The following MACF1 variants were observed in gnomAD, a reference collection of about 807,000 sequenced individuals.
MACF1 encodes the protein microtubule-actin cross-linking factor 1.
In MACF1, 193 loss-of-function variants were observed where a neutral mutation model predicts 854.8. That is an observed-to-expected ratio of 0.23 (90% CI 0.20 to 0.25). The LOEUF (loss-of-function observed/expected upper bound fraction) is 0.25. MACF1 is among the 10% of genes least tolerant of loss of function. The pLI, the probability that MACF1 is intolerant of heterozygous loss-of-function variation, is 1.00. For missense variants in MACF1, 7,722 were observed against 8,929.1 expected, an observed-to-expected ratio of 0.86 and a Z score of 5.45; for synonymous variants, 3,185 against 3,226.7, an observed-to-expected ratio of 0.99 and a Z score of 0.44.
rs563960368 is a variant in MACF1, at chr1:39,387,663, A to G, written c.14821A>G (p.Ser4941Gly). The change falls in exon 58 of 101, where the codon AGT (serine) becomes GGT (glycine). Residue 4941 changes from serine to glycine, a missense_variant. Physicochemically the swap from Ser to Gly is moderately conservative, Grantham distance 56 (BLOSUM62 0). This residue lies in a region of MACF1 where 2,807 missense variants were observed against 3,235.8 expected (regional missense o/e 0.87). Coordinates refer to ENST00000564288, the MANE Select transcript of MACF1 (RefSeq NM_001394062.1). ...VTLDPVQLESSLLRSKAMLNE... is the reference protein window; with the variant it reads ...VTLDPVQLESGLLRSKAMLNE... ...TCTGGATCCAGTGCAGCTAGAGTCC[A>G]GTCTCCTAAGATCAAAGGCTATGCT... 6 of 1,614,212 alleles carry G rather than the reference A, an allele frequency of 3.7e-6. No homozygotes were observed. The African/African-American group carries it at 5.3e-5, about 14-fold the overall frequency.
intron 2 of MACF1, among the ~76,000 whole-genome samples, chr1:39,128,698 CAA>C (rs76492560): frequency 1.5e-5 from 2 of 136,574 alleles, no homozygotes; most frequent in Admixed American, 7.4e-5. Context: ...GACTCCGTCT[CAA>C]AAAAAAAAAA....
At chr1:39,169,614 A>G (rs928534300) in intron 2 of MACF1, among the ~76,000 whole-genome samples, 11 of 151,700 alleles carry the variant, frequency 7.3e-5, no homozygotes, top group Non-Finnish European at 1.0e-4. Flanking sequence ...CAAAAAAAAA[A>G]AAAAAAAGAC....
intron 2 of MACF1, among the ~76,000 whole-genome samples, chr1:39,107,770 A>G (rs1452710631): frequency 6.6e-6 from 1 of 152,202 alleles, no homozygotes; most frequent in Admixed American, 6.5e-5. Flanking sequence ...ATAGATATTG[A>G]TGATGGTGGG....
intron 2 of MACF1, among the ~76,000 whole-genome samples, chr1:39,245,186 T>C (rs556336412): frequency 9.8e-5 from 15 of 152,360 alleles, no homozygotes; most frequent in Non-Finnish European, 8.8e-5. Context: ...TGAAATTAAC[T>C]TTACATTTCA....
At position 39,469,543 on chromosome 1, in the gene MACF1, C is replaced by G. The variant is rs957866642; in HGVS notation, c.21890-4C>G. The G allele has an allele frequency of 6.5e-6, 10 of 1,547,200 alleles. No homozygotes were observed. In the African/African-American group the frequency reaches 1.4e-4, roughly 21 times the overall value. On this transcript the variant is annotated splice_region_variant and splice_polypyrimidine_tract_variant and intron_variant, in intron 96 of 100. Coordinates refer to ENST00000564288, the MANE Select transcript of MACF1 (RefSeq NM_001394062.1). ...TCTTTCTGTTTACGTATTTTTTATT[C>G]TAGTTCACCATCCTGGGAGTAAAAT...
In MACF1 at chr1:39,447,332, A is replaced by G. The variant is rs1644250925; in HGVS notation, c.19606-100A>G. On this transcript the variant is annotated intron_variant, in intron 80 of 100. Transcript: ENST00000564288. ...AAATGAGGCTTCCTTTTTAGAGGTCATTTCATTTGTTGTACAATTCATGCC... is the reference window on the plus strand; with the variant it reads ...AAATGAGGCTTCCTTTTTAGAGGTCGTTTCATTTGTTGTACAATTCATGCC... 5.3e-6 allele frequency: 6 copies of G among 1,121,822 alleles called. No individual in the cohort carries two copies. In the African/African-American group the frequency reaches 9.4e-5, roughly 18 times the overall value. The allele number at this position is 1,121,822 out of a possible 1,614,324, so 69.5% of individuals were successfully genotyped here.
In MACF1 at chr1:39,422,866, A is replaced by G. The variant is rs2148637772; in HGVS notation, c.16115A>G (p.Tyr5372Cys). 6.2e-7 allele frequency: 1 copy of G among 1,614,216 alleles called. No individual in the cohort carries two copies. Among genetic ancestry groups the G allele is most frequent in the Non-Finnish European group, 8.5e-7 (1 of 1,180,030 alleles). The change falls in exon 60 of 101, where the codon TAT (tyrosine) becomes TGT (cysteine). Residue 5372 changes from tyrosine (Y) to cysteine (C), a missense_variant. Around this residue, in one of 15 missense-constraint regions of MACF1, gnomAD observed 2,807 missense variants for 3,235.8 expected, o/e 0.87. Coordinates refer to ENST00000564288, the MANE Select transcript of MACF1 (RefSeq NM_001394062.1). ...AATCAGAAACCTCCATCTGCTGAGT[A>G]TAAAGTGGTGAAAGCACAGATCCAA... ...IANQKPPSAE[Y>C]KVVKAQIQEQ...
At position 39,327,954 on chromosome 1, in the gene MACF1, C is replaced by T. The variant is rs536593681; in HGVS notation, c.4614+601C>T. Among the ~76,000 whole-genome samples the T allele has an allele frequency of 7.4e-4, 113 of 152,174 alleles. 5 individuals are homozygous for T. In the South Asian group the frequency reaches 0.021, roughly 29 times the overall value. On this transcript the variant is annotated intron_variant, in intron 36 of 100. Coordinates refer to ENST00000564288, the MANE Select transcript of MACF1 (RefSeq NM_001394062.1). ...CCTAAGTTCTTCCTGGATACTTGTG[C>T]GTGTGTGTACACTTACCATATTATA... is the stretch of plus-strand genomic sequence containing the variant.
chr1:39,421,891 G>A (rs557251769), intron 58 of MACF1, among the ~76,000 whole-genome samples: 12 of 152,138 alleles, frequency 7.9e-5, no homozygotes, highest in African/African-American at 2.9e-4. Flanking sequence ...TGGCTAACAC[G>A]GTGAAACCCT....
At position 39,331,219 on chromosome 1, in the gene MACF1, C is replaced by A; in HGVS notation, c.4631C>A (p.Ala1544Asp). ...TTTTTTTAGGAATGCAGAGCAGTTG[C>A]TGGGGTGATTGACCTAGGCACAGTG... Reference protein sequence around the residue: ...QTEQKECRAVAGVIDLGTVEI... With the variant: ...QTEQKECRAVDGVIDLGTVEI... Residue 1544 changes from alanine (A) to aspartate (D), a missense_variant, in exon 37 of 101, where the codon GCT becomes GAT. Physicochemically the swap from Ala to Asp is moderately radical, Grantham distance 126. Coordinates refer to ENST00000564288, the MANE Select transcript of MACF1 (RefSeq NM_001394062.1). 8.2e-7 allele frequency: 1 copy of A among 1,222,624 alleles called. No individual in the cohort carries two copies. Among genetic ancestry groups the A allele is most frequent in the Admixed American group, 2.2e-5 (1 of 46,168 alleles). 75.7% of individuals were successfully genotyped at this position (1,222,624 alleles called of 1,614,324 possible).
rs767627050 is a variant in MACF1 at position 39,331,514 on chromosome 1, A to T, written c.4926A>T (p.Ile1642=). 3 of 1,614,024 alleles carry T rather than the reference A, an allele frequency of 1.9e-6. No homozygotes were observed. The African/African-American group carries it at 4.0e-5, about 22-fold the overall frequency. The change falls in exon 37 of 101, where the codon ATA becomes ATT. Residue 1642 remains isoleucine (I), a synonymous_variant. Coordinates refer to ENST00000564288, the MANE Select transcript of MACF1 (RefSeq NM_001394062.1). ...LSVVEAIEKR[I]ISETVGLKIL... ...TGGTGGAAGCAATTGAAAAGAGAAT[A>T]ATCAGTGAGACAGTTGGACTGAAAA... is the stretch of plus-strand genomic sequence containing the variant.
chr1:39,372,453 A>T (rs774703193), intron 51 of MACF1, 26 bp from the exon 52 acceptor site: 1 of 1,388,794 alleles, frequency 7.2e-7, no homozygotes, highest in Admixed American at 1.7e-5. Flanking sequence ...CAGATACTAC[A>T]TTTGGCCATT....
chr1:39,276,774 C>A (rs751612735), intron 6 of MACF1, among the ~76,000 whole-genome samples: 4 of 152,034 alleles, frequency 2.6e-5, no homozygotes, highest in African/African-American at 4.8e-5. Flanking sequence ...AGATTTTTTT[C>A]GTCCAGAAAT....
intron 15 of MACF1, among the ~76,000 whole-genome samples, chr1:39,290,483 C>T (rs1216620570): frequency 1.3e-5 from 2 of 151,384 alleles, no homozygotes; most frequent in Non-Finnish European, 2.9e-5. Flanking sequence ...CAGTTTTGTT[C>T]TTTTTGCTCA....
Position 39,334,407 on chromosome 1 carries a change from G to GA in MACF1, c.7821dup (p.Ala2608SerfsTer30). ...TAAAAAAGAAGGACTGTTAACTAAT[G>GA]AAGCAGTATTGTCTCCAGGAATGAT... is the stretch of plus-strand genomic sequence containing the variant. On this transcript the variant is annotated frameshift_variant, in exon 37 of 101. Transcript: ENST00000564288. LOFTEE classifies it high-confidence loss of function. The GA allele has an allele frequency of 6.2e-7, 1 of 1,614,022 alleles. No homozygotes were observed. The highest frequency in any genetic ancestry group is 8.5e-7 in the Non-Finnish European group (1 of 1,179,936).
intron 2 of MACF1, among the ~76,000 whole-genome samples, chr1:39,090,233 G>C (rs906263600): frequency 2.0e-5 from 3 of 152,192 alleles, no homozygotes; most frequent in African/African-American, 7.2e-5. Flanking sequence ...ATCCAGGAAG[G>C]CTCCTCCTCC....
chr1:39,240,453 A>G (rs997268449), intron 2 of MACF1, among the ~76,000 whole-genome samples: 1 of 152,102 alleles, frequency 6.6e-6, no homozygotes, highest in Non-Finnish European at 1.5e-5. Context: ...TGGATTTTCT[A>G]TTCCCTGTGC....
chr1:39,195,838 G>A (rs1221160442), intron 2 of MACF1, among the ~76,000 whole-genome samples: 1 of 152,154 alleles, frequency 6.6e-6, no homozygotes, highest in African/African-American at 2.4e-5. Context: ...CATGCTTCAA[G>A]GAGATTACTG....
chr1:39,180,102 A>G (rs550669566), intron 2 of MACF1, among the ~76,000 whole-genome samples: 56 of 152,194 alleles, frequency 3.7e-4, no homozygotes, highest in Non-Finnish European at 6.2e-4. Context: ...TTAGACCCCC[A>G]TAATCTCCAT....
Sources: gnomAD v4.1 joint callset for allele counts (sites outside exome capture counted in the v4.1 genomes callset) on GRCh38, gnomAD v4.1.1 for gene constraint, gnomAD v4.1.1 regional missense constraint, MANE v1.5 for transcripts, NCBI Gene and HGNC (gene_info 2026-07-23, HGNC 2026-07-21) for gene names.